Variants in CACNB4 observed in about 807,000 individuals in gnomAD.
CACNB4 encodes the protein calcium voltage-gated channel auxiliary subunit beta 4.
CACNB4 carries 32 observed loss-of-function variants against 71.2 expected under a neutral mutation model. The observed-to-expected ratio is 0.45, with a 90% CI of 0.34 to 0.60. The LOEUF is 0.60. Ranked by LOEUF, CACNB4 falls within the 20% of genes least tolerant of loss-of-function variation. CACNB4 has a pLI of 0.01. For missense variants in CACNB4, 464 were observed against 647.9 expected (o/e 0.72, Z 3.08); for synonymous variants, 231 against 236.9 (o/e 0.97, Z 0.23).
chr2:152,096,182 G>T (rs893465936), intron 2 of CACNB4, among the ~76,000 whole-genome samples: 1 of 151,984 alleles, frequency 6.6e-6, no homozygotes, highest in African/African-American at 2.4e-5. Flanking sequence ...GAGTTGTAAA[G>T]TGCTCATAAA....
rs751275794 is a variant in CACNB4, at chr2:152,098,619, A to G, written c.64-206T>C. ...TCGACTGCTGAAAAGATGCTCGAGAAGAGCAGCCCGCAAGCACCCACCACA... is the reference window on the plus strand; with the variant it reads ...TCGACTGCTGAAAAGATGCTCGAGAGGAGCAGCCCGCAAGCACCCACCACA... On this transcript the variant is annotated intron_variant, in intron 1 of 13. Transcript: ENST00000539935. The surrounding 1 kb of genome is among the most constrained non-coding windows in gnomAD (Gnocchi z 5.3). 3.1e-5 allele frequency: 48 copies of G among 1,548,516 alleles called. No homozygotes were observed. The East Asian group carries it at 1.2e-3, about 37-fold the overall frequency.
chr2:152,056,585 G>A (rs1321686628), intron 2 of CACNB4, among the ~76,000 whole-genome samples: 9 of 152,198 alleles, frequency 5.9e-5, no homozygotes, highest in African/African-American at 1.2e-4. Flanking sequence ...CCCTAGTGAC[G>A]TCTTCCCAGC....
At chr2:152,011,348 G>A (rs1683045625) in intron 2 of CACNB4, among the ~76,000 whole-genome samples, 1 of 152,146 alleles carries the variant, frequency 6.6e-6, no homozygotes, top group African/African-American at 2.4e-5. Context: ...CTGTGACCTG[G>A]ACACCTGCAT....
At chr2:152,021,744 C>T (rs554614410) in intron 2 of CACNB4, among the ~76,000 whole-genome samples, 71 of 152,300 alleles carry the variant, frequency 4.7e-4, no homozygotes, top group African/African-American at 1.5e-3. Flanking sequence ...AGGAACTAGA[C>T]ACTGAATCTT....
intron 3 of CACNB4, among the ~76,000 whole-genome samples, chr2:151,882,689 A>ATT (rs1351101969): frequency 6.6e-6 from 1 of 152,188 alleles, no homozygotes; most frequent in African/African-American, 2.4e-5. Context: ...CTTCCTGTGG[A>ATT]TGCAGCGATT....
At chr2:151,907,002 A>G (rs1268321806) in intron 2 of CACNB4, among the ~76,000 whole-genome samples, 1 of 152,022 alleles carries the variant, frequency 6.6e-6, no homozygotes, top group South Asian at 2.1e-4. Context: ...AGTTATCTCT[A>G]TATGTTTATT....
chr2:152,071,142 G>T (rs1052456843), intron 2 of CACNB4, among the ~76,000 whole-genome samples: 1 of 152,148 alleles, frequency 6.6e-6, no homozygotes, highest in East Asian at 1.9e-4. Context: ...AGTAATCAAA[G>T]GCTGTATACT....
At chr2:152,082,373 AC>A (rs1230741115) in intron 2 of CACNB4, among the ~76,000 whole-genome samples, 1 of 152,248 alleles carries the variant, frequency 6.6e-6, no homozygotes, top group Non-Finnish European at 1.5e-5. Flanking sequence ...CACTTAAGTG[AC>A]AAAGGCTTTC....
intron 2 of CACNB4, among the ~76,000 whole-genome samples, chr2:151,940,052 G>A (rs368443126): frequency 6.6e-6 from 1 of 152,054 alleles, no homozygotes; most frequent in East Asian, 1.9e-4. Context: ...AATAAAATTT[G>A]CCCAAATAAT....
At chr2:151,860,623 C>G in intron 10 of CACNB4, 88 bp downstream of exon 10, 1 of 909,306 alleles carries the variant, frequency 1.1e-6, no homozygotes, top group Non-Finnish European at 1.8e-6. Context: ...GAATGGGGAA[C>G]AAATTGAAAA....
At chr2:151,940,759 C>A (rs555188440) in intron 2 of CACNB4, among the ~76,000 whole-genome samples, 14 of 152,274 alleles carry the variant, frequency 9.2e-5, no homozygotes, top group East Asian at 1.9e-4. Flanking sequence ...GCAAACATAC[C>A]TTTGCCAAAT....
chr2:152,019,755 T>C (rs963850130), intron 2 of CACNB4, among the ~76,000 whole-genome samples: 4 of 152,232 alleles, frequency 2.6e-5, no homozygotes, highest in Admixed American at 6.5e-5. Flanking sequence ...TAATTGTGTA[T>C]ATACATTTAT....
At position 151,976,415 on chromosome 2, in the gene CACNB4, A is replaced by G. The variant is rs564239347; in HGVS notation, c.148-93045T>C. ...GATGAGGGGCAGTAGGCGTGTTCCC[A>G]AGAGGAATTTGGTGAAATAGAGAGA... On this transcript the variant is annotated intron_variant, in intron 2 of 13. Transcript: ENST00000539935. Among the ~76,000 whole-genome samples the G allele has an allele frequency of 2.6e-5, 4 of 152,330 alleles. No homozygotes were observed. The East Asian group carries it at 7.7e-4, about 29-fold the overall frequency.
At chr2:151,948,314 C>T (rs1358506096) in intron 2 of CACNB4, among the ~76,000 whole-genome samples, 1 of 152,140 alleles carries the variant, frequency 6.6e-6, no homozygotes, top group Non-Finnish European at 1.5e-5. Context: ...AGAAGACAGC[C>T]ACTCCCACTA....
intron 2 of CACNB4, among the ~76,000 whole-genome samples, chr2:151,997,092 A>G (rs1682091294): frequency 6.6e-6 from 1 of 152,210 alleles, no homozygotes; most frequent in South Asian, 2.1e-4. Flanking sequence ...CCCCACACCA[A>G]AAGATACATC....
At chr2:152,006,836 C>A (rs1022080243) in intron 2 of CACNB4, among the ~76,000 whole-genome samples, 2 of 152,182 alleles carry the variant, frequency 1.3e-5, no homozygotes, top group Non-Finnish European at 2.9e-5. Flanking sequence ...CTTTCCTTAG[C>A]CAGCTCCTAT....
intron 8 of CACNB4, 97 bp from the exon 9 acceptor site, chr2:151,869,332 C>T (rs2099844007): frequency 1.4e-6 from 1 of 710,008 alleles, no homozygotes; most frequent in Admixed American, 2.3e-5. Flanking sequence ...GTACTATGAG[C>T]CAAGACCTTA....
chr2:151,847,388 T>C lies in CACNB4; in HGVS notation c.1117-5300A>G, dbSNP rs145908993. On this transcript the variant is annotated intron_variant, in intron 12 of 13. Coordinates refer to ENST00000539935, the MANE Select transcript of CACNB4 (RefSeq NM_000726.5). ...CAACAAAACAAAACAAAACAAACCA[T>C]GCACAAAAAAAGACTGGCAAGTACT... Among the ~76,000 whole-genome samples the C allele has an allele frequency of 5.1e-3, 775 of 151,824 alleles. 8 individuals are homozygous for C. Among genetic ancestry groups the C allele is most frequent in the African/African-American group, 0.018 (727 of 41,364 alleles).
chr2:152,091,555 A>G (rs1204770164), intron 2 of CACNB4, among the ~76,000 whole-genome samples: 1 of 152,058 alleles, frequency 6.6e-6, no homozygotes, highest in Non-Finnish European at 1.5e-5. Flanking sequence ...CCAGCCTCCC[A>G]AGAACCCAGG....
Sources: allele counts gnomAD v4.1 joint callset (sites outside exome capture counted in the v4.1 genomes callset), GRCh38; gene constraint gnomAD v4.1.1; non-coding constraint Gnocchi (gnomAD v3.1); transcripts MANE v1.5; gene names NCBI Gene and HGNC (gene_info 2026-07-23, HGNC 2026-07-21).